TBC1D5: variants seen among roughly 807,000 people sequenced by gnomAD.
TBC1D5 encodes the protein TBC1 domain family member 5, also known as TBC1 domain family, member 5.
A neutral mutation model predicts 100.3 loss-of-function variants in TBC1D5; 75 were observed. The ratio of observed to expected loss-of-function variants is 0.75; its 90% confidence interval spans 0.62 to 0.91. The LOEUF (loss-of-function observed/expected upper bound fraction) is 0.91, where lower values mean the gene tolerates loss of function less well. TBC1D5 is among the 40% of genes least tolerant of loss of function. The probability of loss-of-function intolerance (pLI) is 0.00; values close to 1 mark genes in which losing one functional copy is unlikely to be tolerated. For synonymous variants in TBC1D5, 323 were observed against 325.6 expected (o/e 0.99, Z 0.09); for missense variants, 910 against 942.4 (o/e 0.97, Z 0.45).
At chr3:17,730,775 G>A (rs1439037305) in intron 1 of TBC1D5, among the ~76,000 whole-genome samples, 1 of 152,082 alleles carries the variant, frequency 6.6e-6, no homozygotes, top group African/African-American at 2.4e-5. Flanking sequence ...ACATAGAACA[G>A]TACCTGGTAT....
intron 12 of TBC1D5, among the ~76,000 whole-genome samples, chr3:17,373,378 A>G (rs77177327): frequency 0.03 from 4,551 of 152,248 alleles, 227 homozygotes; most frequent in East Asian, 0.14. Flanking sequence ...AATATACCAA[A>G]TTCTTTAACA....
Position 17,404,786 on chromosome 3 carries a change from A to AACAC in TBC1D5, c.367-22_367-19dup, listed in dbSNP as rs138813353. 5 of 1,599,730 alleles carry AACAC rather than the reference A, an allele frequency of 3.1e-6. No homozygotes were observed. The South Asian group carries it at 4.5e-5, about 14-fold the overall frequency. On this transcript the variant is annotated intron_variant, in intron 6 of 21. Transcript: ENST00000253692. The stretch of plus-strand genomic sequence containing the variant: ...GTAATATGCTAGTAAAGAAAGAGAA[A>AACAC]ACACACACACAAGGATCAGAGGCTA...
rs777290668 is a variant in TBC1D5, at chr3:17,376,477, C to T, written c.701+48G>A. On this transcript the variant is annotated intron_variant, in intron 10 of 21. Transcript: ENST00000253692. ...TTGAGGTTTCAAAAACAAAGGTTAC[C>T]GTGGGGGCTAAAAAACAAATGGAGC... The T allele has an allele frequency of 2.3e-5, 35 of 1,522,396 alleles. 1 individual carries two copies. Among genetic ancestry groups the T allele is most frequent in the Middle Eastern group, 1.7e-4 (1 of 5,726 alleles). 94.3% of individuals were successfully genotyped at this position (1,522,396 alleles called of 1,614,324 possible).
intron 3 of TBC1D5, among the ~76,000 whole-genome samples, chr3:17,452,035 T>G (rs2094939748): frequency 6.6e-6 from 1 of 152,234 alleles, no homozygotes; most frequent in Admixed American, 6.5e-5. Context: ...TAAAGAGTTT[T>G]TATTGCTTTT....
At chr3:17,591,184 C>T (rs761070781) in intron 2 of TBC1D5, among the ~76,000 whole-genome samples, 162 of 125,146 alleles carry the variant, frequency 1.3e-3, no homozygotes, top group Non-Finnish European at 2.1e-3. Flanking sequence ...TGCAGTGAGC[C>T]GAGATTGCGC....
intron 4 of TBC1D5, among the ~76,000 whole-genome samples, chr3:17,425,608 GAC>G (rs1168705415): frequency 6.6e-6 from 1 of 152,146 alleles, no homozygotes; most frequent in Non-Finnish European, 1.5e-5. Context: ...CAGCCTGGGT[GAC>G]AGAGTGAGAC....
At chr3:17,289,507 A>T (rs893602825) in intron 15 of TBC1D5, among the ~76,000 whole-genome samples, 4 of 151,828 alleles carry the variant, frequency 2.6e-5, no homozygotes, top group African/African-American at 9.7e-5. Flanking sequence ...GATGGTGGAC[A>T]CCTGTAGTCC....
At chr3:17,509,909 T>C (rs1254574061) in intron 2 of TBC1D5, among the ~76,000 whole-genome samples, 1 of 152,152 alleles carries the variant, frequency 6.6e-6, no homozygotes, top group Admixed American at 6.5e-5. Context: ...TTGAATAAAT[T>C]TTGTTTTAAA....
At chr3:17,695,788 AACAT>A (rs1431733550) in intron 1 of TBC1D5, among the ~76,000 whole-genome samples, 1 of 152,230 alleles carries the variant, frequency 6.6e-6, no homozygotes, top group Non-Finnish European at 1.5e-5. Context: ...AAGTCAACAG[AACAT>A]ACATTCTTCT....
chr3:17,647,953 C>T (rs551020455), intron 1 of TBC1D5, among the ~76,000 whole-genome samples: 225 of 152,180 alleles, frequency 1.5e-3, no homozygotes, highest in African/African-American at 5.4e-3. Context: ...ACACTACCAA[C>T]AACATTCTTC....
At chr3:17,358,739 C>A (rs1399549221) in intron 13 of TBC1D5, among the ~76,000 whole-genome samples, 2 of 151,978 alleles carry the variant, frequency 1.3e-5, no homozygotes, top group East Asian at 3.9e-4. Flanking sequence ...TAACAAATTC[C>A]ATGTAGTACA....
chr3:17,236,457 G>A (rs527910029), intron 17 of TBC1D5, among the ~76,000 whole-genome samples: 1 of 151,290 alleles, frequency 6.6e-6, no homozygotes, highest in Non-Finnish European at 1.5e-5. Context: ...ACAGCTCTAC[G>A]TTAAAAAGAA....
chr3:17,562,367 C>T (rs1576719303), intron 2 of TBC1D5, among the ~76,000 whole-genome samples: 1 of 151,418 alleles, frequency 6.6e-6, no homozygotes, highest in African/African-American at 2.4e-5. Context: ...TTTACCCAAC[C>T]CAATAGGTCA....
intron 2 of TBC1D5, among the ~76,000 whole-genome samples, chr3:17,589,923 T>C (rs1348770149): frequency 1.3e-5 from 2 of 152,088 alleles, no homozygotes; most frequent in Admixed American, 1.3e-4. Context: ...GAAGGAGCCA[T>C]AAGATTTTAT....
chr3:17,619,860 G>C (rs985047079), intron 2 of TBC1D5, among the ~76,000 whole-genome samples: 1 of 152,136 alleles, frequency 6.6e-6, no homozygotes, highest in African/African-American at 2.4e-5. Flanking sequence ...CTAAAACTGG[G>C]GGGAAAGCCC....
chr3:17,415,287 A>G (rs2094037005), intron 4 of TBC1D5, among the ~76,000 whole-genome samples: 1 of 151,864 alleles, frequency 6.6e-6, no homozygotes, highest in Non-Finnish European at 1.5e-5. Context: ...CTCCCCAGGT[A>G]GCTGGGACTA....
chr3:17,320,962 A>T (rs189081517), intron 13 of TBC1D5, among the ~76,000 whole-genome samples: 1 of 152,364 alleles, frequency 6.6e-6, no homozygotes, highest in Admixed American at 6.5e-5. Flanking sequence ...ACATAAATTA[A>T]TCTGCTCACA....
intron 13 of TBC1D5, among the ~76,000 whole-genome samples, chr3:17,323,928 T>C (rs1056394535): frequency 3.9e-5 from 6 of 152,352 alleles, no homozygotes; most frequent in Admixed American, 3.3e-4. Flanking sequence ...ACAGAATTAC[T>C]ATAAAAGTCT....
intron 19 of TBC1D5, among the ~76,000 whole-genome samples, chr3:17,170,995 T>C (rs1428298793): frequency 1.3e-5 from 2 of 152,180 alleles, no homozygotes; most frequent in Non-Finnish European, 2.9e-5. Context: ...CATAGACTTA[T>C]CATCCCAATA....
Sources: gnomAD v4.1 joint callset for allele counts (sites outside exome capture counted in the v4.1 genomes callset) on GRCh38, gnomAD v4.1.1 for gene constraint, MANE v1.5 for transcripts, NCBI Gene and HGNC (gene_info 2026-07-23, HGNC 2026-07-21) for gene names.